DCAF5: variants seen among roughly 807,000 people sequenced by gnomAD.
DCAF5 encodes DDB1 and CUL4 associated factor 5.
DCAF5 carries 9 observed loss-of-function variants against 80.7 expected under a neutral mutation model. The ratio of observed to expected loss-of-function variants is 0.11; its 90% CI spans 0.07 to 0.19. DCAF5 has a LOEUF of 0.19. Among genes scored for constraint, DCAF5 ranks in the 10% least tolerant of loss-of-function variants. The pLI, the probability that DCAF5 is intolerant of heterozygous loss-of-function variation, is 1.00. For synonymous variants in DCAF5, 433 were observed against 461.9 expected, an observed-to-expected ratio of 0.94 and a Z score of 0.80; for missense variants, 842 against 1,205.7, an observed-to-expected ratio of 0.70 and a Z score of 4.47.
chr14:69,086,620 T>TAAAAAAAAAAAA (rs34555932), intron 6 of DCAF5, among the ~76,000 whole-genome samples: 1 of 134,230 alleles, frequency 7.4e-6, no homozygotes, highest in African/African-American at 2.8e-5. Flanking sequence ...ATGGAGTTAT[T>TAAAAAAAAAAAA]AAAAAAAAAA....
At position 69,054,661 on chromosome 14, in the gene DCAF5, T is replaced by A. The variant is rs2037883862; in HGVS notation, c.2025A>T (p.Ser675=). 6.2e-7 allele frequency: 1 copy of A among 1,614,056 alleles called. No individual in the cohort carries two copies. The highest frequency in any genetic ancestry group is 1.3e-5 in the African/African-American group (1 of 74,928). The part of the protein sequence containing the change: ...KWLRYSYISY[S]NNKDGETSLV... ...AGGAGGTCTCTCCATCTTTGTTATT[T>A]GAGTAGGAGATATAAGAGTAGCGGA... The change falls in exon 9 of 9, where the codon TCA becomes TCT. Residue 675 remains serine, a synonymous_variant. Coordinates refer to ENST00000341516, the MANE Select transcript of DCAF5 (RefSeq NM_003861.3).
rs532745853 is a variant in DCAF5, at chr14:69,065,522, A to C, written c.947-3011T>G. ...AAACCCAGAGACTGATGGTGAAAATAGGTACAGGCAGAATTATAGTGGCCA... is the reference window on the plus strand; with the variant it reads ...AAACCCAGAGACTGATGGTGAAAATCGGTACAGGCAGAATTATAGTGGCCA... On this transcript the variant is annotated intron_variant, in intron 7 of 8. Transcript: ENST00000341516. Among the ~76,000 whole-genome samples the C allele has an allele frequency of 2.0e-4, 31 of 152,350 alleles. No individual in the cohort carries two copies. The South Asian group carries it at 6.2e-3, about 31-fold the overall frequency.
intron 1 of DCAF5, among the ~76,000 whole-genome samples, chr14:69,132,518 AAAAG>A (rs1035622157): frequency 1.3e-5 from 2 of 152,298 alleles, no homozygotes; most frequent in African/African-American, 4.8e-5. Context: ...CATCCAGCCC[AAAAG>A]AGTTTTCTGT....
intron 7 of DCAF5, among the ~76,000 whole-genome samples, chr14:69,065,730 C>G (rs2038412692): frequency 6.6e-6 from 1 of 152,186 alleles, no homozygotes; most frequent in African/African-American, 2.4e-5. Flanking sequence ...ATAGCTTCTC[C>G]TTTAATTTGA....
chr14:69,061,828 C>T (rs557941864), intron 8 of DCAF5, among the ~76,000 whole-genome samples: 92 of 152,190 alleles, frequency 6.0e-4, no homozygotes, highest in African/African-American at 2.1e-3. Flanking sequence ...TAGAAGACAA[C>T]CTCTGTTTCA....
At chr14:69,081,845 A>G (rs536393965) in intron 6 of DCAF5, among the ~76,000 whole-genome samples, 14 of 152,314 alleles carry the variant, frequency 9.2e-5, no homozygotes, top group African/African-American at 2.6e-4. Context: ...AAACATATCA[A>G]TCAGTTACTA....
At chr14:69,148,778 A>G (rs182724593) in intron 1 of DCAF5, among the ~76,000 whole-genome samples, 5 of 152,334 alleles carry the variant, frequency 3.3e-5, no homozygotes, top group Middle Eastern at 3.4e-3. Context: ...TTGACCATTC[A>G]CTACCCCCAT....
chr14:69,091,564 C>T, intron 6 of DCAF5, 110 bp downstream of exon 6: 1 of 1,021,130 alleles, frequency 9.8e-7, no homozygotes, highest in Non-Finnish European at 1.5e-6. Flanking sequence ...ACTGTTTCCC[C>T]TTAATTGTTT....
chr14:69,119,017 T>C, intron 3 of DCAF5, 177 bp downstream of exon 3: 1 of 610,548 alleles, frequency 1.6e-6, no homozygotes, highest in African/African-American at 1.9e-5. Flanking sequence ...CCCTTTTTCC[T>C]TTTTAAATCA....
intron 2 of DCAF5, 48 bp downstream of exon 2, chr14:69,122,169 A>G: frequency 6.3e-7 from 1 of 1,586,860 alleles, no homozygotes; most frequent in Non-Finnish European, 8.6e-7. Context: ...TCTTTTCTCT[A>G]AAATCCCAAC....
intron 6 of DCAF5, among the ~76,000 whole-genome samples, chr14:69,082,432 C>T (rs907074808): frequency 6.7e-6 from 1 of 149,984 alleles, no homozygotes; most frequent in African/African-American, 2.5e-5. Context: ...ATTAAAATAA[C>T]CAACCTTTAT....
chr14:69,114,385 G>A (rs570960686), intron 5 of DCAF5, among the ~76,000 whole-genome samples: 29 of 152,132 alleles, frequency 1.9e-4, no homozygotes, highest in African/African-American at 6.7e-4. Context: ...TAAAAGAAGG[G>A]GCTAGATCTG....
chr14:69,138,019 G>C (rs1384632222), intron 1 of DCAF5, among the ~76,000 whole-genome samples: 2 of 152,064 alleles, frequency 1.3e-5, no homozygotes, highest in African/African-American at 2.4e-5. Flanking sequence ...CACAGATGAG[G>C]GGGGACTACT....
chr14:69,087,366 CAAG>C lies in DCAF5; in HGVS notation c.879+4305_879+4307del, dbSNP rs796919373. Among the ~76,000 whole-genome samples, 7 of 152,240 alleles carry C rather than the reference CAAG, an allele frequency of 4.6e-5. 1 individual carries two copies. Among genetic ancestry groups the C allele is most frequent in the African/African-American group, 1.4e-4 (6 of 41,536 alleles). On this transcript the variant is annotated intron_variant, in intron 6 of 8. Coordinates refer to ENST00000341516, the MANE Select transcript of DCAF5 (RefSeq NM_003861.3). ...CAAAAATCCAAGTAGGAAGTGAAAG[CAAG>C]AAGAACCTTTGGGCTCAGGTAGCCT...
chr14:69,131,584 T>C (rs1416977171), intron 1 of DCAF5, among the ~76,000 whole-genome samples: 2 of 152,206 alleles, frequency 1.3e-5, no homozygotes, highest in Non-Finnish European at 2.9e-5. Context: ...TAGGCCCTTT[T>C]TCTAGACACG....
At chr14:69,097,747 T>A (rs2039781199) in intron 5 of DCAF5, among the ~76,000 whole-genome samples, 1 of 151,692 alleles carries the variant, frequency 6.6e-6, no homozygotes, top group African/African-American at 2.4e-5. Flanking sequence ...CCACTATGCC[T>A]GGCTAATTTT....
intron 1 of DCAF5, among the ~76,000 whole-genome samples, chr14:69,137,928 A>G (rs888473526): frequency 2.0e-5 from 3 of 152,234 alleles, no homozygotes; most frequent in African/African-American, 4.8e-5. Flanking sequence ...GTATGTATAC[A>G]TAAGACAAAA....
intron 1 of DCAF5, among the ~76,000 whole-genome samples, chr14:69,140,925 G>A (rs1451887186): frequency 1.3e-5 from 2 of 151,978 alleles, no homozygotes; most frequent in African/African-American, 4.8e-5. Flanking sequence ...AACTCTGTCA[G>A]GAGTTCGAGA....
chr14:69,123,842 G>C (rs1324034431), intron 1 of DCAF5, among the ~76,000 whole-genome samples: 1 of 152,086 alleles, frequency 6.6e-6, no homozygotes, highest in Non-Finnish European at 1.5e-5. Context: ...GGGATTACAG[G>C]CTCCCACCAC....
Sources: gnomAD v4.1 joint callset for allele counts (sites outside exome capture counted in the v4.1 genomes callset) on GRCh38, gnomAD v4.1.1 for gene constraint, MANE v1.5 for transcripts, NCBI Gene and HGNC (gene_info 2026-07-23, HGNC 2026-07-21) for gene names.